The following SLCO2B1 variants were observed in gnomAD, a reference collection of about 807,000 sequenced individuals.
SLCO2B1 encodes OATP-RP2.
In SLCO2B1, 41 loss-of-function variants were observed where a neutral mutation model predicts 67.3. That is an observed-to-expected ratio of 0.61 (90% CI 0.47 to 0.79). SLCO2B1 has a LOEUF of 0.79. Among genes scored for constraint, SLCO2B1 ranks in the 30% least tolerant of loss-of-function variants. The pLI is 0.00. For synonymous variants in SLCO2B1, 379 were observed against 381.4 expected, an observed-to-expected ratio of 0.99 and a Z score of 0.07; for missense variants, 837 against 920.1, an observed-to-expected ratio of 0.91 and a Z score of 1.17.
chr11:75,177,553 A>C (rs1022488671), intron 7 of SLCO2B1, among the ~76,000 whole-genome samples: 1 of 152,220 alleles, frequency 6.6e-6, no homozygotes, highest in Admixed American at 6.5e-5. Flanking sequence ...AACAAGACAT[A>C]GGGTTTATTG....
At chr11:75,191,790 G>A (rs1481246051) in intron 8 of SLCO2B1, among the ~76,000 whole-genome samples, 1 of 152,198 alleles carries the variant, frequency 6.6e-6, no homozygotes. Context: ...AGAAACACAG[G>A]TTAGTGGAGA....
At chr11:75,202,362 A>C (rs554772515) in intron 11 of SLCO2B1, 1 of 154,888 alleles carries the variant, frequency 6.5e-6, no homozygotes, top group Non-Finnish European at 1.4e-5. Context: ...GATCTTGGCC[A>C]AGTTATTGAA....
In SLCO2B1 at chr11:75,203,006, T is replaced by C. The variant is rs750273270; in HGVS notation, c.1828+41T>C. 94 of 1,546,586 alleles carry C rather than the reference T, an allele frequency of 6.1e-5. No individual in the cohort carries two copies. The East Asian group carries it at 2.1e-3, about 35-fold the overall frequency. ...GGGACCATTGGTGGTGGTGATGGGG[T>C]CCAGATGCCCACTGTGTGCCAGGCC... On this transcript the variant is annotated intron_variant, in intron 12 of 13. Coordinates refer to ENST00000289575, the MANE Select transcript of SLCO2B1 (RefSeq NM_007256.5).
intron 11 of SLCO2B1, chr11:75,200,742 T>C (rs1038957336): frequency 4.2e-5 from 8 of 189,860 alleles, no homozygotes; most frequent in African/African-American, 1.4e-4. Flanking sequence ...GAGGGCATAA[T>C]ACCTGCAATG....
intron 8 of SLCO2B1, among the ~76,000 whole-genome samples, chr11:75,192,251 C>A (rs1021410712): frequency 1.8e-4 from 28 of 152,348 alleles, no homozygotes; most frequent in African/African-American, 6.5e-4. Context: ...TATATCCATT[C>A]ATTCCTTCCT....
At chr11:75,176,776 G>A (rs1950030422) in intron 7 of SLCO2B1, among the ~76,000 whole-genome samples, 1 of 152,210 alleles carries the variant, frequency 6.6e-6, no homozygotes, top group Non-Finnish European at 1.5e-5. Context: ...CTGGGACTTT[G>A]TGTCTCCGTG....
chr11:75,188,202 A>G lies in SLCO2B1; in HGVS notation c.1039A>G (p.Ile347Val). The G allele has an allele frequency of 1.2e-6, 2 of 1,614,074 alleles. No individual in the cohort carries two copies. Among genetic ancestry groups the G allele is most frequent in the South Asian group, 1.1e-5 (1 of 91,082 alleles). ...GAAGAAGCAGGATGGCCTAGTCCAG[A>G]TTGCACCAAACCTGACTGTGATCCA... ...STKKQDGLVQ[I>V]APNLTVIQFI... The change falls in exon 8 of 14, where the codon ATT (isoleucine) becomes GTT (valine). Residue 347 changes from isoleucine (I) to valine (V), a missense_variant. Ile to Val is a conservative substitution (Grantham distance 29, BLOSUM62 3). Transcript: ENST00000289575.
intron 1 of SLCO2B1, among the ~76,000 whole-genome samples, chr11:75,160,765 C>T (rs539681226): frequency 1.3e-5 from 2 of 152,338 alleles, no homozygotes; most frequent in East Asian, 3.9e-4. Flanking sequence ...CCAAATTCCT[C>T]AACCTGTTTG....
rs909561788 is a variant in SLCO2B1, at chr11:75,172,549, A to G, written c.952A>G (p.Thr318Ala). 1.9e-5 allele frequency: 31 copies of G among 1,613,900 alleles called. No homozygotes were observed. Among genetic ancestry groups the G allele is most frequent in the Non-Finnish European group, 2.6e-5 (31 of 1,179,914 alleles). The change falls in exon 7 of 14, where the codon ACA becomes GCA. Residue 318 changes from threonine (T) to alanine (A), a missense_variant. Physicochemically the swap from Thr to Ala is moderately conservative, Grantham distance 58 (BLOSUM62 0). Transcript: ENST00000289575. ...GTTTCGGCGAAAGGTCTTAGCAGTC[A>G]CAGACTCACCTGCCAGGAAGGTAAG... ...LQFRRKVLAVTDSPARKGKDS... is the reference protein window; with the variant it reads ...LQFRRKVLAVADSPARKGKDS...
chr11:75,160,139 G>T (rs1294935640), intron 1 of SLCO2B1, among the ~76,000 whole-genome samples: 1 of 152,182 alleles, frequency 6.6e-6, no homozygotes, highest in African/African-American at 2.4e-5. Flanking sequence ...AAGGACTTCT[G>T]CTCCCAGCCT....
chr11:75,203,033 G>A (rs1398071638), intron 12 of SLCO2B1, 68 bp downstream of exon 12: 2 of 1,400,210 alleles, frequency 1.4e-6, no homozygotes, highest in Non-Finnish European at 2.0e-6. Flanking sequence ...TGCCAGGCCT[G>A]GGGCACAGGC....
intron 9 of SLCO2B1, among the ~76,000 whole-genome samples, chr11:75,195,801 C>T (rs560438968): frequency 6.6e-6 from 1 of 152,346 alleles, no homozygotes; most frequent in South Asian, 2.1e-4. Context: ...TCCCCGCTAG[C>T]GTGAAGCCAG....
At chr11:75,200,971 C>T (rs1945172212) in intron 11 of SLCO2B1, 1 of 151,410 alleles carries the variant, frequency 6.6e-6, no homozygotes, top group African/African-American at 2.4e-5. Flanking sequence ...GTCAGGGTCT[C>T]CTGGGGTGAG....
rs756742803 is a variant in SLCO2B1 at position 75,172,546 on chromosome 11, G to C, written c.949G>C (p.Val317Leu). ...TCAGTTTCGGCGAAAGGTCTTAGCA[G>C]TCACAGACTCACCTGCCAGGAAGGT... is the stretch of plus-strand genomic sequence containing the variant. ...ELQFRRKVLA[V>L]TDSPARKGKD... Residue 317 changes from valine to leucine, a missense_variant, in exon 7 of 14, where the codon GTC becomes CTC. By Grantham distance (32) the Val-to-Leu change is conservative (BLOSUM62 1). Transcript: ENST00000289575. The C allele has an allele frequency of 6.2e-7, 1 of 1,614,078 alleles. No individual in the cohort carries two copies.
At chr11:75,158,608 T>A (rs2140302553) in intron 1 of SLCO2B1, among the ~76,000 whole-genome samples, 1 of 152,334 alleles carries the variant, frequency 6.6e-6, no homozygotes, top group South Asian at 2.1e-4. Context: ...TATGACCTGC[T>A]TCTACTGTTT....
chr11:75,180,931 G>A (rs983824187), intron 7 of SLCO2B1, among the ~76,000 whole-genome samples: 1 of 152,172 alleles, frequency 6.6e-6, no homozygotes, highest in African/African-American at 2.4e-5. Context: ...AAGAGCGAAA[G>A]GTTCTCAGAA....
chr11:75,196,739 T>A, intron 10 of SLCO2B1, 60 bp downstream of exon 10: 1 of 1,495,746 alleles, frequency 6.7e-7, no homozygotes, highest in Admixed American at 1.9e-5. Context: ...CCTGTCTCTG[T>A]GGGCCTGTCA....
chr11:75,167,245 G>T (rs1949904594), intron 4 of SLCO2B1, among the ~76,000 whole-genome samples: 1 of 152,162 alleles, frequency 6.6e-6, no homozygotes, highest in Admixed American at 6.5e-5. Context: ...CATGAAGAAT[G>T]CAGAGTCGTT....
rs1387966892 is a variant in SLCO2B1, at chr11:75,162,747, C to A, written c.109C>A (p.Pro37Thr). The A allele has an allele frequency of 2.0e-5, 32 of 1,613,982 alleles. 1 individual carries two copies. In the East Asian group the frequency reaches 6.9e-4, roughly 35 times the overall value. Residue 37 changes from proline to threonine, a missense_variant, in exon 2 of 14, where the codon CCT becomes ACT. By Grantham distance (38) the Pro-to-Thr change is conservative. Coordinates refer to ENST00000289575, the MANE Select transcript of SLCO2B1 (RefSeq NM_007256.5). ...ACCTGGAGGCAAAGCCAGCCCAGAC[C>A]CTCAGGACGTGCGGCCAAGTGTGTT... ...NTPGGKASPD[P>T]QDVRPSVFHN...
Sources: gnomAD v4.1 joint callset for allele counts (sites outside exome capture counted in the v4.1 genomes callset) on GRCh38, gnomAD v4.1.1 for gene constraint, MANE v1.5 for transcripts, NCBI Gene and HGNC (gene_info 2026-07-23, HGNC 2026-07-21) for gene names.